The following APTX variants were observed in gnomAD, a reference collection of about 807,000 sequenced individuals.
APTX encodes forkhead-associated domain histidine triad-like protein.
In APTX, 33 loss-of-function variants were observed where a neutral mutation model predicts 42.3. The observed-to-expected ratio is 0.78, with a 90% CI of 0.59 to 1.04. The LOEUF (loss-of-function observed/expected upper bound fraction) is 1.04, where lower values mean the gene tolerates loss of function less well. Ranked by LOEUF, APTX falls within the 50% of genes least tolerant of loss-of-function variation. The pLI is 0.00. For synonymous variants in APTX, 130 were observed against 146.7 expected, an observed-to-expected ratio of 0.89 and a Z score of 0.82; for missense variants, 421 against 415.1, an observed-to-expected ratio of 1.01 and a Z score of -0.12.
Position 32,992,574 on chromosome 9 carries a change from A to G in APTX, c.-4-2679T>C, listed in dbSNP as rs570496528. Among the ~76,000 whole-genome samples the G allele has an allele frequency of 1.6e-4, 24 of 152,286 alleles. No homozygotes were observed. The South Asian group carries it at 2.3e-3, about 15-fold the overall frequency. On this transcript the variant is annotated intron_variant, in intron 1 of 7. Transcript: ENST00000379817. ...CAGACTTAGTTGGCTGAACCAGAGGAGCTGCCTCGGAGAGTCACAAAAAAA... is the reference window on the plus strand; with the variant it reads ...CAGACTTAGTTGGCTGAACCAGAGGGGCTGCCTCGGAGAGTCACAAAAAAA...
intron 6 of APTX, among the ~76,000 whole-genome samples, chr9:32,978,666 A>T (rs1830009193): frequency 6.6e-6 from 1 of 152,228 alleles, no homozygotes; most frequent in Admixed American, 6.5e-5. Flanking sequence ...GCAATTTCTG[A>T]TAAATAATAG....
At chr9:33,024,021 A>G (rs368890794) in intron 1 of APTX, among the ~76,000 whole-genome samples, 139 of 152,170 alleles carry the variant, frequency 9.1e-4, no homozygotes, top group Non-Finnish European at 1.6e-3. Flanking sequence ...ACTCAGCTCA[A>G]TTGCCACTTT....
At chr9:32,985,864 C>T in intron 5 of APTX, 107 bp downstream of exon 5, 1 of 1,053,562 alleles carries the variant, frequency 9.5e-7, no homozygotes. Flanking sequence ...TAAAATGAAT[C>T]TCATTCAGAA....
chr9:33,018,604 G>A (rs942410798), intron 1 of APTX, among the ~76,000 whole-genome samples: 15 of 148,050 alleles, frequency 1.0e-4, no homozygotes, highest in African/African-American at 2.7e-4. Flanking sequence ...TACTTCCCCA[G>A]GTACTGTGGC....
At chr9:32,983,283 A>T (rs1222870943) in intron 6 of APTX, among the ~76,000 whole-genome samples, 1 of 152,330 alleles carries the variant, frequency 6.6e-6, no homozygotes, top group East Asian at 1.9e-4. Context: ...TATGCAATGT[A>T]TGATTCCATT....
rs1830092215 is a variant in APTX, at chr9:32,979,011, T to C, written c.771-4450A>G. On this transcript the variant is annotated intron_variant, in intron 6 of 7. Transcript: ENST00000379817. ...AACTACCAAGTTGGTTCTCCTTTTT[T>C]TCTATCATTAATATATTTAATATAG... Among the ~76,000 whole-genome samples the C allele has an allele frequency of 4.6e-5, 7 of 152,358 alleles. No individual in the cohort carries two copies. In the South Asian group the frequency reaches 1.4e-3, roughly 32 times the overall value.
upstream of APTX, among the ~76,000 whole-genome samples, chr9:33,005,429 TTTTTTGTTTTTG>T (rs373118617): frequency 8.5e-5 from 13 of 152,122 alleles, no homozygotes; most frequent in Admixed American, 3.3e-4. Context: ...TATTTTTTTG[TTTTTTGTTTTTG>T]TTTTTGTTTT....
rs141550530 is a variant in APTX at position 33,011,858 on chromosome 9, G to C, written c.-5+13165C>G. Among the ~76,000 whole-genome samples, 626 of 152,260 alleles carry C rather than the reference G, an allele frequency of 4.1e-3. 6 individuals carry two copies. The highest frequency in any genetic ancestry group is 0.014 in the African/African-American group (598 of 41,516). On this transcript the variant is annotated intron_variant, in intron 1 of 6. Coordinates refer to the APTX transcript ENST00000436040. Reference sequence around the variant, plus strand: ...CTGAGCCCACTCTCCTGAACCTGCAGTCTCCTTACTGCTAGTCTTTCCAAT... The same window carrying C: ...CTGAGCCCACTCTCCTGAACCTGCACTCTCCTTACTGCTAGTCTTTCCAAT...
At chr9:33,022,554 T>G (rs990900847) in intron 1 of APTX, among the ~76,000 whole-genome samples, 1 of 152,258 alleles carries the variant, frequency 6.6e-6, no homozygotes, top group African/African-American at 2.4e-5. Flanking sequence ...GCATGAGTAC[T>G]CAAAGCTGTA....
intron 1 of APTX, among the ~76,000 whole-genome samples, chr9:32,998,381 T>A (rs1052610489): frequency 3.3e-5 from 5 of 152,186 alleles, no homozygotes; most frequent in Non-Finnish European, 5.9e-5. Context: ...CACATAGGTA[T>A]AATCATTTTA....
chr9:33,004,630 C>CTTTTTTTTTTTT (rs3065216), upstream of APTX, among the ~76,000 whole-genome samples: 2 of 125,712 alleles, frequency 1.6e-5, no homozygotes, highest in African/African-American at 3.0e-5. Context: ...CTTGCCAACC[C>CTTTTTTTTTTTT]TTTTTTTTTT....
At chr9:33,015,101 A>T (rs1055043142) in intron 1 of APTX, among the ~76,000 whole-genome samples, 1 of 151,574 alleles carries the variant, frequency 6.6e-6, no homozygotes, top group Non-Finnish European at 1.5e-5. Flanking sequence ...CCGTGTTTTT[A>T]TTTTTTTCAT....
intron 1 of APTX, among the ~76,000 whole-genome samples, chr9:33,021,498 T>A (rs1275821293): frequency 6.6e-6 from 1 of 152,100 alleles, no homozygotes; most frequent in African/African-American, 2.4e-5. Flanking sequence ...AGGGAAGTAG[T>A]ACCATGTATT....
At position 32,986,043 on chromosome 9, in the gene APTX, C is replaced by CCA; in HGVS notation, c.484-14_484-13insTG. Reference sequence around the variant, plus strand: ...GGCCCAGGGATTCCTAAAAAAAAAACAAAAAAAAAAACAAAAAAAAAAAAA... The same window carrying CCA: ...GGCCCAGGGATTCCTAAAAAAAAAACCAAAAAAAAAAAACAAAAAAAAAAAAA... On this transcript the variant is annotated splice_polypyrimidine_tract_variant and intron_variant, in intron 4 of 7. Coordinates refer to ENST00000379817, the MANE Select transcript of APTX (RefSeq NM_001195248.2). 2.0e-6 allele frequency: 2 copies of CCA among 985,244 alleles called. No homozygotes were observed. The highest frequency in any genetic ancestry group is 3.3e-5 in the South Asian group (2 of 60,620). 61.0% of individuals were successfully genotyped at this position (985,244 alleles called of 1,614,324 possible). A position where few individuals can be genotyped will look rare whatever the true frequency, so the allele number is the denominator to read the frequency against.
At chr9:33,017,928 G>GT (rs775751927) in intron 1 of APTX, among the ~76,000 whole-genome samples, 2 of 70,798 alleles carry the variant, frequency 2.8e-5, no homozygotes, top group African/African-American at 1.2e-4. Context: ...AGCAACCAGC[G>GT]CCCCCCCCCC....
At chr9:32,975,966 C>CA (rs1469156561) in intron 6 of APTX, among the ~76,000 whole-genome samples, 3 of 152,258 alleles carry the variant, frequency 2.0e-5, no homozygotes, top group African/African-American at 7.2e-5. Flanking sequence ...ATGTAGACTG[C>CA]AGCAGTGGCC....
At chr9:33,009,819 A>G (rs752573106) in intron 1 of APTX, among the ~76,000 whole-genome samples, 2 of 131,484 alleles carry the variant, frequency 1.5e-5, no homozygotes, top group African/African-American at 2.5e-5. Context: ...AAGAAAAGGG[A>G]AAAAAAATTC....
chr9:33,007,490 C>T (rs572540564), intron 1 of APTX, among the ~76,000 whole-genome samples: 33 of 152,272 alleles, frequency 2.2e-4, no homozygotes, highest in African/African-American at 6.5e-4. Flanking sequence ...GCAGCCTGAA[C>T]GAAGGGACAG....
upstream of APTX, among the ~76,000 whole-genome samples, chr9:33,006,089 GTTTT>G (rs563635667): frequency 8.9e-4 from 129 of 144,900 alleles, no homozygotes; most frequent in South Asian, 4.6e-3. Context: ...TTGTTTGTTT[GTTTT>G]AATTCCAACA....
Sources: gnomAD v4.1 joint callset for allele counts (sites outside exome capture counted in the v4.1 genomes callset) on GRCh38, gnomAD v4.1.1 for gene constraint, MANE v1.5 for transcripts, NCBI Gene and HGNC (gene_info 2026-07-23, HGNC 2026-07-21) for gene names.